PBX3: variants seen among roughly 807,000 people sequenced by gnomAD.
PBX3 encodes PBX homeobox 3.
In PBX3, 14 loss-of-function variants were observed where a neutral mutation model predicts 48.5. The observed-to-expected ratio is 0.29, with a 90% CI of 0.19 to 0.45. The LOEUF is 0.45. Among genes scored for constraint, PBX3 ranks in the 20% least tolerant of loss-of-function variants. The pLI is 1.00. For missense variants in PBX3, 386 were observed against 546.7 expected, an observed-to-expected ratio of 0.71 and a Z score of 2.93; for synonymous variants, 210 against 200.3, an observed-to-expected ratio of 1.05 and a Z score of -0.41.
chr9:125,928,169 C>T (rs973884690), intron 3 of PBX3, among the ~76,000 whole-genome samples: 4 of 151,458 alleles, frequency 2.6e-5, no homozygotes, highest in Middle Eastern at 3.2e-3. Flanking sequence ...CCATCCTGGG[C>T]GACAGAGCAA....
chr9:125,769,769 C>T (rs1420841940), intron 2 of PBX3, among the ~76,000 whole-genome samples: 1 of 152,194 alleles, frequency 6.6e-6, no homozygotes, highest in Admixed American at 6.5e-5. Context: ...CTAGTGTAAG[C>T]TTCCTGGGGT....
intron 4 of PBX3, among the ~76,000 whole-genome samples, 162 bp from the exon 5 acceptor site, chr9:125,935,310 G>GGA (rs1197467831): frequency 1.1e-4 from 16 of 152,256 alleles, no homozygotes; most frequent in African/African-American, 3.6e-4. Flanking sequence ...ATAATGCCTT[G>GGA]GAGGATGTCT....
At chr9:125,762,996 C>T (rs1836709091) in intron 2 of PBX3, among the ~76,000 whole-genome samples, 1 of 151,992 alleles carries the variant, frequency 6.6e-6, no homozygotes, top group African/African-American at 2.4e-5. Flanking sequence ...AATGTCAATA[C>T]AATGTTGGTA....
chr9:125,833,043 C>T (rs971213265), intron 2 of PBX3, among the ~76,000 whole-genome samples: 7 of 152,110 alleles, frequency 4.6e-5, no homozygotes, highest in East Asian at 1.9e-4. Flanking sequence ...TAATCTTAAC[C>T]GCTGTAGCAT....
At chr9:125,920,075 G>T (rs191816452) in intron 3 of PBX3, among the ~76,000 whole-genome samples, 5 of 152,232 alleles carry the variant, frequency 3.3e-5, no homozygotes, top group Non-Finnish European at 5.9e-5. Flanking sequence ...ATTAGGGTAA[G>T]GTTCTTGAAT....
chr9:125,776,546 T>G (rs1478237418), intron 2 of PBX3, among the ~76,000 whole-genome samples: 1 of 152,184 alleles, frequency 6.6e-6, no homozygotes, highest in African/African-American at 2.4e-5. Context: ...GTACTTCTTT[T>G]CTTTTTTTAA....
chr9:125,930,662 CAA>C (rs1359906673), intron 4 of PBX3, among the ~76,000 whole-genome samples: 1 of 152,164 alleles, frequency 6.6e-6, no homozygotes, highest in Non-Finnish European at 1.5e-5. Flanking sequence ...AACTGGAAAA[CAA>C]AGTGTGTGGA....
intron 2 of PBX3, among the ~76,000 whole-genome samples, chr9:125,779,745 A>C (rs1327564946): frequency 6.8e-6 from 1 of 147,338 alleles, no homozygotes; most frequent in Non-Finnish European, 1.5e-5. Flanking sequence ...CGCCATTGTC[A>C]TCCCGGCCCG....
At chr9:125,867,585 A>G (rs1002335799) in intron 2 of PBX3, among the ~76,000 whole-genome samples, 3 of 147,952 alleles carry the variant, frequency 2.0e-5, no homozygotes, top group Admixed American at 6.8e-5. Context: ...GGTTGCAGTG[A>G]GCCGAGATGG....
chr9:125,898,050 C>G (rs144223668), intron 2 of PBX3, among the ~76,000 whole-genome samples: 162 of 151,854 alleles, frequency 1.1e-3, no homozygotes, highest in African/African-American at 3.8e-3. Context: ...AGCCTCAAGT[C>G]AACAGTAAAT....
intron 2 of PBX3, among the ~76,000 whole-genome samples, chr9:125,907,209 A>G (rs1841095259): frequency 6.6e-6 from 1 of 152,056 alleles, no homozygotes; most frequent in African/African-American, 2.4e-5. Context: ...CAATAAAACT[A>G]TATACCATTA....
chr9:125,938,829 A>G (rs1841895192), intron 5 of PBX3, among the ~76,000 whole-genome samples: 1 of 152,226 alleles, frequency 6.6e-6, no homozygotes, highest in South Asian at 2.1e-4. Context: ...AATTTACTGA[A>G]ATAAATTGTA....
At position 125,801,790 on chromosome 9, in the gene PBX3, TACACACACACACACACACACAC is replaced by T. The variant is rs367989628; in HGVS notation, c.274+53181_274+53202del. On this transcript the variant is annotated intron_variant, in intron 2 of 8. Transcript: ENST00000373489. ...ATGTTTATATGAACATGTATACACA[TACACACACACACACACACACAC>T]ACACACACACACATATTCTTAACTT... Among the ~76,000 whole-genome samples the T allele has an allele frequency of 1.6e-4, 24 of 146,322 alleles. No individual in the cohort carries two copies. The South Asian group carries it at 5.2e-3, about 32-fold the overall frequency.
At chr9:125,959,397 C>T (rs1212260521) in intron 5 of PBX3, among the ~76,000 whole-genome samples, 1 of 152,228 alleles carries the variant, frequency 6.6e-6, no homozygotes, top group African/African-American at 2.4e-5. Flanking sequence ...TATATGTGCA[C>T]ATGTGTGCAC....
At chr9:125,955,214 C>T (rs1842278421) in intron 5 of PBX3, among the ~76,000 whole-genome samples, 1 of 152,184 alleles carries the variant, frequency 6.6e-6, no homozygotes, top group Non-Finnish European at 1.5e-5. Flanking sequence ...CTGCACTCAG[C>T]AGCAACACCT....
intron 2 of PBX3, among the ~76,000 whole-genome samples, chr9:125,882,407 G>A (rs1840403099): frequency 6.6e-6 from 1 of 152,130 alleles, no homozygotes; most frequent in Non-Finnish European, 1.5e-5. Flanking sequence ...TACTTGAGAC[G>A]GCAGTAGACG....
At chr9:125,955,845 A>G (rs1008301914) in intron 5 of PBX3, among the ~76,000 whole-genome samples, 6 of 152,222 alleles carry the variant, frequency 3.9e-5, no homozygotes, top group African/African-American at 1.4e-4. Flanking sequence ...TTTTATAACC[A>G]GATTGTAAAG....
chr9:125,792,885 A>G (rs927502585), intron 2 of PBX3, among the ~76,000 whole-genome samples: 1 of 151,476 alleles, frequency 6.6e-6, no homozygotes, highest in Non-Finnish European at 1.5e-5. Context: ...TTTTTAGTAG[A>G]GACCAGGTTT....
At chr9:125,828,540 T>C (rs1838869917) in intron 2 of PBX3, among the ~76,000 whole-genome samples, 1 of 152,140 alleles carries the variant, frequency 6.6e-6, no homozygotes, top group Admixed American at 6.5e-5. Flanking sequence ...AAATGCAAGA[T>C]TAGAAAAACA....
Sources: gnomAD v4.1 joint callset for allele counts (sites outside exome capture counted in the v4.1 genomes callset) on GRCh38, gnomAD v4.1.1 for gene constraint, MANE v1.5 for transcripts, NCBI Gene and HGNC (gene_info 2026-07-23, HGNC 2026-07-21) for gene names.